The following LARP4 variants were observed in gnomAD, a reference collection of about 807,000 sequenced individuals.
LARP4 encodes La ribonucleoprotein 4.
Under a neutral mutation model 92.9 loss-of-function variants are expected in LARP4, and 29 were observed. The observed-to-expected ratio is 0.31, with a 90% CI of 0.23 to 0.43. The LOEUF (loss-of-function observed/expected upper bound fraction) is 0.43. LARP4 is among the 20% of genes least tolerant of loss of function. The probability of loss-of-function intolerance (pLI) is 1.00; values close to 1 mark genes in which losing one functional copy is unlikely to be tolerated. For missense variants in LARP4, 732 were observed against 860.0 expected (o/e 0.85, Z 1.86); for synonymous variants, 279 against 284.1 (o/e 0.98, Z 0.18).
chr12:50,449,143 TGAGGCCC>T (rs1239169012), intron 8 of LARP4, among the ~76,000 whole-genome samples: 1 of 152,074 alleles, frequency 6.6e-6, no homozygotes, highest in Admixed American at 6.6e-5. Context: ...CTCGGGAGGC[TGAGGCCC>T]GAGAATCATT....
intron 1 of LARP4, 131 bp downstream of exon 1, chr12:50,401,159 C>A: frequency 9.9e-7 from 1 of 1,014,136 alleles, no homozygotes; most frequent in Non-Finnish European, 1.6e-6. Context: ...GACACAGCAC[C>A]TGGGCCGAGC....
At chr12:50,401,147 C>A in intron 1 of LARP4, 119 bp downstream of exon 1, 1 of 1,139,266 alleles carries the variant, frequency 8.8e-7, no homozygotes, top group Non-Finnish European at 1.3e-6. Flanking sequence ...GGCAGATAGG[C>A]TGACACAGCA....
Position 50,409,980 on chromosome 12 carries a change from C to T in LARP4, c.18+8952C>T, listed in dbSNP as rs74316324. 4.2e-3 allele frequency among the ~76,000 whole-genome samples: 628 copies of T among 151,038 alleles called. 18 individuals carry two copies. The East Asian group carries it at 0.071, about 17-fold the overall frequency. On this transcript the variant is annotated intron_variant, in intron 1 of 15. Coordinates refer to ENST00000398473, the MANE Select transcript of LARP4 (RefSeq NM_052879.5). ...GCTAATTTTGTATTTTTAGTAGAGA[C>T]GGGGTTTCTCCATGTTGGTCAGGCT...
chr12:50,451,619 G>C (rs1953203921), intron 8 of LARP4, among the ~76,000 whole-genome samples: 1 of 152,202 alleles, frequency 6.6e-6, no homozygotes. Flanking sequence ...TGGATTGCCT[G>C]AGCTCAGGAG....
chr12:50,475,470 C>T, intron 15 of LARP4, 56 bp from the exon 16 acceptor site: 1 of 1,385,982 alleles, frequency 7.2e-7, no homozygotes, highest in East Asian at 2.3e-5. Context: ...CATTTTTATA[C>T]TTTATAATTT....
At chr12:50,460,552 G>C (rs1955188685) in intron 10 of LARP4, among the ~76,000 whole-genome samples, 2 of 152,034 alleles carry the variant, frequency 1.3e-5, no homozygotes, top group South Asian at 4.1e-4. Context: ...TCGAACCCCA[G>C]ATCTCAAACA....
chr12:50,430,752 C>T (rs921526297), intron 4 of LARP4, among the ~76,000 whole-genome samples, 182 bp downstream of exon 4: 1 of 151,386 alleles, frequency 6.6e-6, no homozygotes, highest in African/African-American at 2.4e-5. Context: ...CCTCCGCCTC[C>T]AGGGTTCAAG....
At chr12:50,453,852 C>G (rs181056818) in intron 9 of LARP4, among the ~76,000 whole-genome samples, 180 bp downstream of exon 9, 10 of 152,038 alleles carry the variant, frequency 6.6e-5, no homozygotes, top group African/African-American at 2.4e-4. Context: ...AGGCTGGTCT[C>G]GAACTCCTGT....
chr12:50,472,714 G>T (rs1450658801), intron 13 of LARP4, among the ~76,000 whole-genome samples: 1 of 151,796 alleles, frequency 6.6e-6, no homozygotes, highest in African/African-American at 2.4e-5. Context: ...ATCTTGCTAT[G>T]TTGTCCAAGG....
chr12:50,405,594 C>A (rs534298276), intron 1 of LARP4, among the ~76,000 whole-genome samples: 3 of 151,838 alleles, frequency 2.0e-5, no homozygotes, highest in African/African-American at 7.2e-5. Context: ...TAATTTTTTT[C>A]TTTTTTGGTA....
At chr12:50,421,692 CT>C (rs1947830994) in intron 1 of LARP4, among the ~76,000 whole-genome samples, 1 of 143,036 alleles carries the variant, frequency 7.0e-6, no homozygotes, top group African/African-American at 2.8e-5. Context: ...ATAAATAATA[CT>C]TTGTAAGTGG....
chr12:50,413,000 G>T (rs947590281), intron 1 of LARP4, among the ~76,000 whole-genome samples: 1 of 152,000 alleles, frequency 6.6e-6, no homozygotes, highest in African/African-American at 2.4e-5. Context: ...GAGGCGGGCG[G>T]ATCACGAGGT....
At chr12:50,405,831 G>A (rs143464112) in intron 1 of LARP4, among the ~76,000 whole-genome samples, 156 of 152,202 alleles carry the variant, frequency 1.0e-3, no homozygotes, top group African/African-American at 3.5e-3. Flanking sequence ...GGATGCTCAA[G>A]TCTTACATAA....
chr12:50,411,715 C>T (rs1945933579), intron 1 of LARP4, among the ~76,000 whole-genome samples: 1 of 151,980 alleles, frequency 6.6e-6, no homozygotes, highest in South Asian at 2.1e-4. Flanking sequence ...GAGTCTCGCT[C>T]TGTTGCCCAA....
intron 1 of LARP4, among the ~76,000 whole-genome samples, chr12:50,413,688 A>G (rs1026994747): frequency 8.5e-5 from 13 of 152,210 alleles, no homozygotes; most frequent in Non-Finnish European, 1.0e-4. Context: ...TCATTAATGC[A>G]GCACATGACT....
At chr12:50,472,951 T>G in intron 13 of LARP4, among the ~76,000 whole-genome samples, 1 of 151,976 alleles carries the variant, frequency 6.6e-6, no homozygotes, top group East Asian at 1.9e-4. Context: ...GCCTCCCAAG[T>G]AGCTGAGATT....
At chr12:50,427,357 C>T (rs7302222) in intron 1 of LARP4, among the ~76,000 whole-genome samples, 151,223 of 152,266 alleles carry the variant, frequency 0.99, 75,107 homozygotes, top group Middle Eastern at 1. Context: ...GGTAAAGCAG[C>T]ATTTCTATTT....
chr12:50,422,703 A>G (rs1160264004), intron 1 of LARP4, among the ~76,000 whole-genome samples: 1 of 151,362 alleles, frequency 6.6e-6, no homozygotes, highest in Non-Finnish European at 1.5e-5. Flanking sequence ...ATGCTAATAT[A>G]TGTAGAAATA....
intron 1 of LARP4, among the ~76,000 whole-genome samples, chr12:50,422,781 ATATTATTATTATTATTATTATTAT>A (rs145036648): frequency 1.7e-4 from 23 of 138,602 alleles, no homozygotes; most frequent in African/African-American, 4.2e-4. Context: ...TTGGGAAATT[ATATTATTATTATTATTATTATTAT>A]TATTATTATT....
Sources: gnomAD v4.1 joint callset for allele counts (sites outside exome capture counted in the v4.1 genomes callset) on GRCh38, gnomAD v4.1.1 for gene constraint, MANE v1.5 for transcripts, NCBI Gene and HGNC (gene_info 2026-07-23, HGNC 2026-07-21) for gene names.